Variants in TAFA1 observed in about 807,000 individuals in gnomAD.
TAFA1 encodes TAFA chemokine like family member 1.
In TAFA1, 4 loss-of-function variants were observed where a neutral mutation model predicts 18.5. That is an observed-to-expected ratio of 0.22 (90% confidence interval 0.11 to 0.49). TAFA1 has a LOEUF of 0.49. TAFA1 is among the 20% of genes least tolerant of loss of function. TAFA1 has a pLI of 0.98. For synonymous variants in TAFA1, 56 were observed against 55.2 expected (o/e 1.01, Z -0.06); for missense variants, 147 against 169.0 (o/e 0.87, Z 0.72).
At chr3:67,997,314 T>C in the TAFA1 span, among the ~76,000 whole-genome samples, 1 of 152,178 alleles carries the variant, frequency 6.6e-6, no homozygotes, top group Non-Finnish European at 1.5e-5. Flanking sequence ...CAATGATCTT[T>C]TGAAGCAGGT....
chr3:68,226,934 G>A (rs139532202), intron 2 of TAFA1, among the ~76,000 whole-genome samples: 72 of 152,308 alleles, frequency 4.7e-4, no homozygotes, highest in Middle Eastern at 3.4e-3. Flanking sequence ...CCAGGAAGCT[G>A]ACTAGCAGTT....
intron 2 of TAFA1, among the ~76,000 whole-genome samples, chr3:68,287,637 A>G (rs1227061034): frequency 6.6e-6 from 1 of 152,106 alleles, no homozygotes; most frequent in Non-Finnish European, 1.5e-5. Context: ...AATGGCTTTA[A>G]AGGTACCTCC....
At chr3:68,348,749 C>G (rs1039350456) in intron 2 of TAFA1, among the ~76,000 whole-genome samples, 1 of 152,008 alleles carries the variant, frequency 6.6e-6, no homozygotes, top group Admixed American at 6.6e-5. Context: ...CTCCTCCACC[C>G]CAAGAACATC....
At chr3:68,329,906 A>G (rs2068835672) in intron 2 of TAFA1, among the ~76,000 whole-genome samples, 1 of 152,250 alleles carries the variant, frequency 6.6e-6, no homozygotes, top group Admixed American at 6.5e-5. Context: ...ATTTTGCATT[A>G]GTCTTGGTTT....
chr3:68,439,317 A>G (rs1348939778), intron 3 of TAFA1, among the ~76,000 whole-genome samples: 1 of 150,356 alleles, frequency 6.7e-6, no homozygotes, highest in Non-Finnish European at 1.5e-5. Flanking sequence ...CTTCTGCCAC[A>G]TACCCTAGTA....
chr3:68,493,292 G>T (rs867849554), intron 3 of TAFA1, among the ~76,000 whole-genome samples: 1 of 152,040 alleles, frequency 6.6e-6, no homozygotes, highest in Non-Finnish European at 1.5e-5. Flanking sequence ...AGTCCTCAAG[G>T]TATATCTATG....
intron 2 of TAFA1, among the ~76,000 whole-genome samples, chr3:68,359,645 C>T (rs2069434618): frequency 6.6e-6 from 1 of 151,870 alleles, no homozygotes; most frequent in Non-Finnish European, 1.5e-5. Context: ...CTCCTGACAC[C>T]TTGAGTTTAA....
At chr3:68,542,126 G>A (rs1385091300) in intron 4 of TAFA1, among the ~76,000 whole-genome samples, 2 of 152,074 alleles carry the variant, frequency 1.3e-5, no homozygotes, top group African/African-American at 4.8e-5. Context: ...CAGGAGATTT[G>A]GAATAACTTT....
intron 3 of TAFA1, among the ~76,000 whole-genome samples, chr3:68,498,724 T>TTTTTG: frequency 1.2e-4 from 1 of 8,634 alleles, no homozygotes; most frequent in African/African-American, 2.9e-4. Context: ...TTTGGTGGCT[T>TTTTTG]TTTTTTTTTT....
At chr3:68,184,870 A>G (rs1001346328) in intron 2 of TAFA1, among the ~76,000 whole-genome samples, 8 of 152,148 alleles carry the variant, frequency 5.3e-5, no homozygotes, top group Non-Finnish European at 8.8e-5. Flanking sequence ...GCAGATTCCT[A>G]TGGGCTGAGA....
At chr3:67,996,829 A>G in the TAFA1 span, among the ~76,000 whole-genome samples, 1 of 151,864 alleles carries the variant, frequency 6.6e-6, no homozygotes, top group Admixed American at 6.6e-5. Context: ...AAATGGTATA[A>G]TATGTTTGAG....
intron 3 of TAFA1, among the ~76,000 whole-genome samples, chr3:68,475,622 G>A (rs1387451312): frequency 2.0e-5 from 3 of 152,106 alleles, no homozygotes; most frequent in African/African-American, 4.8e-5. Flanking sequence ...GTAAATATAC[G>A]TGTGCATGTG....
chr3:68,248,622 CTGAATGTG>C (rs1229142511), intron 2 of TAFA1, among the ~76,000 whole-genome samples: 1 of 151,402 alleles, frequency 6.6e-6, no homozygotes, highest in African/African-American at 2.4e-5. Context: ...GCAGATGCAC[CTGAATGTG>C]TGTTCAGAGC....
intron 2 of TAFA1, among the ~76,000 whole-genome samples, chr3:68,273,816 T>A (rs1413448701): frequency 6.6e-6 from 1 of 152,226 alleles, no homozygotes; most frequent in Non-Finnish European, 1.5e-5. Flanking sequence ...CCTGGCTGTG[T>A]GACTGACACC....
intron 2 of TAFA1, among the ~76,000 whole-genome samples, chr3:68,149,693 A>G (rs1417318149): frequency 1.3e-5 from 2 of 152,348 alleles, no homozygotes; most frequent in East Asian, 3.9e-4. Flanking sequence ...AACACCTCGG[A>G]TTAGACTCCA....
At chr3:68,206,923 C>G (rs2066534841) in intron 2 of TAFA1, among the ~76,000 whole-genome samples, 1 of 151,826 alleles carries the variant, frequency 6.6e-6, no homozygotes, top group Non-Finnish European at 1.5e-5. Flanking sequence ...TTAATCACCC[C>G]CACAGCACAG....
chr3:68,521,713 A>T (rs561097834), intron 3 of TAFA1, among the ~76,000 whole-genome samples: 19 of 152,246 alleles, frequency 1.2e-4, no homozygotes, highest in African/African-American at 4.6e-4. Context: ...TCAGTGGTAA[A>T]CTAAATCAAG....
intron 2 of TAFA1, among the ~76,000 whole-genome samples, chr3:68,202,775 T>C (rs565078879): frequency 9.0e-4 from 137 of 151,878 alleles, no homozygotes; most frequent in African/African-American, 3.2e-3. Context: ...ATCCTATATA[T>C]GGTAATATGA....
chr3:68,354,341 G>A (rs190518817), intron 2 of TAFA1, among the ~76,000 whole-genome samples: 30 of 151,968 alleles, frequency 2.0e-4, no homozygotes, highest in East Asian at 1.4e-3. Context: ...TTGACAGCTC[G>A]GAGAACAAAA....
Sources: gnomAD v4.1 joint callset for allele counts (sites outside exome capture counted in the v4.1 genomes callset) on GRCh38, gnomAD v4.1.1 for gene constraint, MANE v1.5 for transcripts, NCBI Gene and HGNC (gene_info 2026-07-23, HGNC 2026-07-21) for gene names.